Variants in LOXL2 observed in about 807,000 individuals in gnomAD.
LOXL2 encodes lysyl oxidase homolog 2.
A neutral mutation model predicts 93.0 loss-of-function variants in LOXL2; 70 were observed. The observed-to-expected ratio is 0.75, with a 90% CI of 0.62 to 0.92. The LOEUF is 0.92. LOXL2 is among the 40% of genes least tolerant of loss of function. The pLI, the probability that LOXL2 is intolerant of heterozygous loss-of-function variation, is 0.00. For missense variants in LOXL2, 973 were observed against 1,054.9 expected, an observed-to-expected ratio of 0.92 and a Z score of 1.08; for synonymous variants, 438 against 413.2, an observed-to-expected ratio of 1.06 and a Z score of -0.73.
intron 6 of LOXL2, among the ~76,000 whole-genome samples, chr8:23,327,515 C>CCT (rs1803599471): frequency 6.6e-6 from 1 of 152,178 alleles, no homozygotes; most frequent in Admixed American, 6.5e-5. Context: ...CTATCCCTTC[C>CCT]CAGCCATAGC....
chr8:23,394,369 G>A (rs1776159374), intron 1 of LOXL2, among the ~76,000 whole-genome samples: 1 of 148,570 alleles, frequency 6.7e-6, no homozygotes, highest in African/African-American at 2.5e-5. Context: ...CTATAGCCTA[G>A]GTGACAGAGT....
chr8:23,310,243 C>T (rs529812718), intron 9 of LOXL2, among the ~76,000 whole-genome samples: 1 of 152,274 alleles, frequency 6.6e-6, no homozygotes, highest in South Asian at 2.1e-4. Context: ...GTGATGAGCA[C>T]GTGGGGGTTG....
At chr8:23,328,668 A>G (rs1156960926) in intron 5 of LOXL2, 103 bp from the exon 6 acceptor site, 8 of 1,082,330 alleles carry the variant, frequency 7.4e-6, no homozygotes, top group South Asian at 6.7e-5. Context: ...TTCCCAGGCC[A>G]GGCACTCAGT....
At chr8:23,388,783 C>T (rs983861248) in intron 1 of LOXL2, among the ~76,000 whole-genome samples, 1 of 151,890 alleles carries the variant, frequency 6.6e-6, no homozygotes, top group Non-Finnish European at 1.5e-5. Context: ...CAAAATTGTG[C>T]CAAGTCTGCA....
chr8:23,328,431 C>T lies in LOXL2; in HGVS notation c.1101G>A (p.Leu367=). 1.2e-6 allele frequency: 2 copies of T among 1,614,106 alleles called. No individual in the cohort carries two copies. Among genetic ancestry groups the T allele is most frequent in the Non-Finnish European group, 1.7e-6 (2 of 1,180,030 alleles). ...LVSASVVCRE[L]GFGSAKEAVT... is the part of the protein sequence containing the mutation. ...CTGCCTCTTTGGCACTCCCAAAGCCCAGCTCTCTGCAGACCACACTGGCCG... is the reference window on the plus strand; with the variant it reads ...CTGCCTCTTTGGCACTCCCAAAGCCTAGCTCTCTGCAGACCACACTGGCCG... Residue 367 remains leucine (L), a synonymous_variant, in exon 6 of 14, where the codon CTG becomes CTA. Transcript: ENST00000389131.
intron 8 of LOXL2, among the ~76,000 whole-genome samples, chr8:23,318,541 A>G (rs998803402): frequency 5.3e-5 from 8 of 152,156 alleles, no homozygotes; most frequent in Non-Finnish European, 8.8e-5. Flanking sequence ...TCCAGATGAA[A>G]AAAATGAGGA....
chr8:23,314,346 A>T (rs190419000), intron 9 of LOXL2, among the ~76,000 whole-genome samples: 2 of 143,554 alleles, frequency 1.4e-5, no homozygotes, highest in Non-Finnish European at 3.1e-5. Context: ...ATGCACACGT[A>T]TGTTTATTGC....
chr8:23,311,984 C>T (rs1172519269), intron 9 of LOXL2, among the ~76,000 whole-genome samples: 1 of 152,090 alleles, frequency 6.6e-6, no homozygotes, highest in Admixed American at 6.6e-5. Flanking sequence ...ATAGCCTGTG[C>T]CGAAATACAA....
In LOXL2 at chr8:23,340,929, C is replaced by T. The variant is rs1272108978; in HGVS notation, c.743+63G>A. 6 of 1,457,272 alleles carry T rather than the reference C, an allele frequency of 4.1e-6. No individual in the cohort carries two copies. The African/African-American group carries it at 5.6e-5, about 14-fold the overall frequency. The allele number at this position is 1,457,272 out of a possible 1,614,324, so 90.3% of individuals were successfully genotyped here. A position where few individuals can be genotyped will look rare whatever the true frequency, so the allele number is the denominator to read the frequency against. On this transcript the variant is annotated intron_variant, in intron 4 of 13. Coordinates refer to ENST00000389131, the MANE Select transcript of LOXL2 (RefSeq NM_002318.3). ...GGAAAGGCCACCACCAGGGCGGACA[C>T]TTTTAACTCTTTTAGGCAGGGCGGA...
intron 9 of LOXL2, among the ~76,000 whole-genome samples, chr8:23,311,873 G>A (rs1057263430): frequency 1.3e-5 from 2 of 152,198 alleles, no homozygotes; most frequent in Admixed American, 1.3e-4. Flanking sequence ...CGGGTAGGTG[G>A]TCAGGAGGCT....
intron 13 of LOXL2, 21 bp downstream of exon 13, chr8:23,298,815 G>A (rs1027241381): frequency 2.6e-6 from 4 of 1,514,782 alleles, no homozygotes; most frequent in Non-Finnish European, 3.7e-6. Context: ...GCTTCCTGGA[G>A]TGGGGGCGGC....
intron 1 of LOXL2, among the ~76,000 whole-genome samples, chr8:23,399,692 C>G (rs1056951443): frequency 6.6e-6 from 1 of 152,112 alleles, no homozygotes; most frequent in Non-Finnish European, 1.5e-5. Flanking sequence ...AATAAACTAC[C>G]GAGTTTCAGG....
intron 3 of LOXL2, among the ~76,000 whole-genome samples, chr8:23,348,567 G>GAAACA (rs920932253): frequency 3.3e-5 from 5 of 151,764 alleles, no homozygotes; most frequent in Admixed American, 6.6e-5. Flanking sequence ...GATCTTCTAA[G>GAAACA]AAACAAAACA....
intron 1 of LOXL2, among the ~76,000 whole-genome samples, chr8:23,379,221 G>T (rs1042020595): frequency 6.6e-6 from 1 of 151,646 alleles, no homozygotes; most frequent in Non-Finnish European, 1.5e-5. Flanking sequence ...TGTTTGCCTG[G>T]GTATCAGCAG....
At chr8:23,385,970 TG>T (rs764938367) in intron 1 of LOXL2, 5 of 765,296 alleles carry the variant, frequency 6.5e-6, no homozygotes, top group Non-Finnish European at 1.2e-5. Flanking sequence ...TGGCCCCATA[TG>T]GTGGTGGCTG....
intron 7 of LOXL2, among the ~76,000 whole-genome samples, chr8:23,321,139 A>G (rs1391474487): frequency 6.6e-6 from 1 of 152,080 alleles, no homozygotes; most frequent in Non-Finnish European, 1.5e-5. Context: ...CTCTTGCCTG[A>G]GCCAGAGCAG....
chr8:23,367,287 G>C (rs956011819), intron 2 of LOXL2, among the ~76,000 whole-genome samples: 8 of 152,158 alleles, frequency 5.3e-5, no homozygotes, highest in Non-Finnish European at 1.2e-4. Context: ...GACCTCAAGT[G>C]ATCATCCCGC....
At chr8:23,299,667 C>G (rs1031288301) in intron 12 of LOXL2, among the ~76,000 whole-genome samples, 2 of 152,144 alleles carry the variant, frequency 1.3e-5, no homozygotes, top group African/African-American at 2.4e-5. Context: ...GGAGAAGAGA[C>G]AACAGTGGTG....
intron 7 of LOXL2, chr8:23,321,905 C>T (rs374324325): frequency 3.7e-6 from 2 of 535,102 alleles, no homozygotes; most frequent in African/African-American, 1.9e-5. Flanking sequence ...TGCAAGGAGG[C>T]AGGGCCTTTC....
Sources: gnomAD v4.1 joint callset for allele counts (sites outside exome capture counted in the v4.1 genomes callset) on GRCh38, gnomAD v4.1.1 for gene constraint, MANE v1.5 for transcripts, NCBI Gene and HGNC (gene_info 2026-07-23, HGNC 2026-07-21) for gene names.